The following SMUG1 variants were observed in gnomAD, a reference collection of about 807,000 sequenced individuals.
SMUG1 encodes the protein single-strand-selective monofunctional uracil-DNA glycosylase 1, also known as single-strand selective monofunctional uracil DNA glycosylase.
SMUG1 carries 13 observed loss-of-function variants against 23.9 expected under a neutral mutation model. The ratio of observed to expected loss-of-function variants is 0.54; its 90% CI spans 0.35 to 0.86. SMUG1 has a LOEUF of 0.86. SMUG1 is among the 40% of genes least tolerant of loss of function. The pLI is 0.01. For missense variants in SMUG1, 313 were observed against 339.5 expected, an observed-to-expected ratio of 0.92 and a Z score of 0.61; for synonymous variants, 133 against 139.8, an observed-to-expected ratio of 0.95 and a Z score of 0.34.
chr12:54,172,071 G>C (rs1940634775), exon 3 of SMUG1: 1 of 455,586 alleles, frequency 2.2e-6, no homozygotes, highest in African/African-American at 2.0e-5. Context: ...TTCTGCCCTT[G>C]TTTTCTCAAT....
chr12:54,162,345 C>A (rs540796847), downstream of SMUG1: 1 of 152,344 alleles, frequency 6.6e-6, no homozygotes, highest in Non-Finnish European at 1.5e-5. Flanking sequence ...CTTCAGGGTT[C>A]TTCCACCCTG....
chr12:54,181,568 T>G lies in SMUG1; in HGVS notation c.*528A>C. Reference sequence around the variant, plus strand: ...TCTTCTGACTTGCACTCTGTCACACTGGATTTTTCCTCTGATCCAGCTGCA... The same window carrying G: ...TCTTCTGACTTGCACTCTGTCACACGGGATTTTTCCTCTGATCCAGCTGCA... On this transcript the variant is annotated 3_prime_UTR_variant, in exon 4 of 4. Transcript: ENST00000682136. 6.4e-7 allele frequency: 1 copy of G among 1,555,952 alleles called. No individual in the cohort carries two copies. Among genetic ancestry groups the G allele is most frequent in the Non-Finnish European group, 8.6e-7 (1 of 1,157,210 alleles).
Position 54,182,367 on chromosome 12 carries a change from TCAG to T in SMUG1, c.539_541del (p.Ala180del). The T allele has an allele frequency of 1.9e-6, 3 of 1,614,102 alleles. No individual in the cohort carries two copies. The highest frequency in any genetic ancestry group is 1.1e-5 in the South Asian group (1 of 91,078). On this transcript the variant is annotated inframe_deletion, in exon 4 of 4. Transcript: ENST00000682136. ...CTGTTCTCGCTGCTTGGCAGGCAGC[TCAG>T]CAGGAGTAAGGTTGCGCCCGCTGGG...
At chr12:54,183,478 C>T in intron 3 of SMUG1, 178 bp downstream of exon 3, 1 of 633,880 alleles carries the variant, frequency 1.6e-6, no homozygotes. Context: ...TAATTACGGG[C>T]AGAGACGCTG....
At chr12:54,161,021 C>T (rs997603792), downstream of SMUG1, among the ~76,000 whole-genome samples, 7 of 152,180 alleles carry the variant, frequency 4.6e-5, no homozygotes, top group African/African-American at 7.2e-5. The surrounding 1 kb of genome is among the most constrained non-coding windows in gnomAD (Gnocchi z 4.2). Flanking sequence ...GTTATATTAA[C>T]GTGTCCTTAG....
chr12:54,186,247 T>C (rs1942419713), intron 2 of SMUG1, among the ~76,000 whole-genome samples: 1 of 152,068 alleles, frequency 6.6e-6, no homozygotes, highest in African/African-American at 2.4e-5. Flanking sequence ...TCTTCCCTCC[T>C]CAGAACACTG....
intron 3 of SMUG1, 37 bp downstream of exon 3, chr12:54,183,619 C>G: frequency 6.2e-7 from 1 of 1,607,060 alleles, no homozygotes. Flanking sequence ...CACCTAGAAC[C>G]CCCCACTCCA....
intron 2 of SMUG1, among the ~76,000 whole-genome samples, chr12:54,185,339 C>A (rs1433421979): frequency 2.0e-5 from 3 of 150,818 alleles, no homozygotes; most frequent in Non-Finnish European, 3.0e-5. Context: ...TTGTGGTGGG[C>A]ACCTGTAATC....
chr12:54,167,710 C>T (rs1370994427), intron 3 of SMUG1, among the ~76,000 whole-genome samples: 1 of 152,212 alleles, frequency 6.6e-6, no homozygotes, highest in South Asian at 2.1e-4. Flanking sequence ...CCTTCCTCCT[C>T]ACCCCAGCTA....
At chr12:54,188,708 T>C (rs1943123678) in intron 1 of SMUG1, 1 of 152,194 alleles carries the variant, frequency 6.6e-6, no homozygotes, top group Admixed American at 6.6e-5. Flanking sequence ...GGCCGACTAC[T>C]AAGGCACCAT....
At chr12:54,177,582 T>C (rs956408966), downstream of SMUG1, among the ~76,000 whole-genome samples, 6 of 152,172 alleles carry the variant, frequency 3.9e-5, no homozygotes, top group African/African-American at 1.4e-4. Flanking sequence ...ACCAAATTAT[T>C]TCAGTTTGGC....
Position 54,182,040 on chromosome 12 carries a change from T to C in SMUG1, c.*56A>G, listed in dbSNP as rs994293985. The stretch of plus-strand genomic sequence containing the variant: ...TCCAGGAGATGTGTTGTCATCTGCT[T>C]GGCCAAGAATGACTTCGAGGTCTTG... On this transcript the variant is annotated 3_prime_UTR_variant, in exon 4 of 4. Coordinates refer to ENST00000682136, the MANE Select transcript of SMUG1 (RefSeq NM_001243787.2). 2 of 1,513,474 alleles carry C rather than the reference T, an allele frequency of 1.3e-6. No homozygotes were observed. The highest frequency in any genetic ancestry group is 1.8e-6 in the Non-Finnish European group (2 of 1,132,306). The allele number at this position is 1,513,474 out of a possible 1,614,324, so 93.8% of individuals were successfully genotyped here.
downstream of SMUG1, among the ~76,000 whole-genome samples, chr12:54,179,206 A>G (rs10161425): frequency 0.72 from 109,139 of 152,088 alleles, 39,716 homozygotes; most frequent in African/African-American, 0.84. Context: ...ACTTGCAGAC[A>G]GCCTATTGTG....
chr12:54,160,189 AGAG>A (rs1940201950), downstream of SMUG1, among the ~76,000 whole-genome samples: 2 of 152,236 alleles, frequency 1.3e-5, no homozygotes, highest in Non-Finnish European at 2.9e-5. Context: ...GAAAGAGAAA[AGAG>A]GAGGGGTGGC....
At chr12:54,161,209 T>C (rs1940250348), downstream of SMUG1, among the ~76,000 whole-genome samples, 1 of 151,894 alleles carries the variant, frequency 6.6e-6, no homozygotes, top group Non-Finnish European at 1.5e-5. The surrounding 1 kb of genome is among the most constrained non-coding windows in gnomAD (Gnocchi z 4.2). Context: ...CAGGGTTATT[T>C]ATAGAAGCAA....
At chr12:54,171,769 T>A (rs1466289076) in intron 3 of SMUG1, among the ~76,000 whole-genome samples, 2 of 150,342 alleles carry the variant, frequency 1.3e-5, no homozygotes, top group South Asian at 4.3e-4. Flanking sequence ...TTAACAGGTA[T>A]CTCAAAGCTA....
At chr12:54,172,551 G>C (rs1167861063) in intron 2 of SMUG1, 1 of 162,168 alleles carries the variant, frequency 6.2e-6, no homozygotes, top group Non-Finnish European at 1.4e-5. Flanking sequence ...GGCTTCAGGA[G>C]CTCAGGTGGG....
chr12:54,185,123 A>G (rs969217210), intron 2 of SMUG1, among the ~76,000 whole-genome samples: 1 of 152,054 alleles, frequency 6.6e-6, no homozygotes, highest in African/African-American at 2.4e-5. Context: ...AGCCTGACCA[A>G]AATGGAGAAA....
At chr12:54,184,714 C>T (rs1210688398) in intron 2 of SMUG1, among the ~76,000 whole-genome samples, 1 of 152,218 alleles carries the variant, frequency 6.6e-6, no homozygotes, top group South Asian at 2.1e-4. Flanking sequence ...AATTCTACAA[C>T]CCCCTAACCC....
Sources: allele counts gnomAD v4.1 joint callset (sites outside exome capture counted in the v4.1 genomes callset), GRCh38; gene constraint gnomAD v4.1.1; non-coding constraint Gnocchi (gnomAD v3.1); transcripts MANE v1.5; gene names NCBI Gene and HGNC (gene_info 2026-07-23, HGNC 2026-07-21).